Variants in TTK observed in about 807,000 individuals in gnomAD.
TTK encodes dual specificity protein kinase TTK.
A neutral mutation model predicts 117.3 loss-of-function variants in TTK; 59 were observed. The ratio of observed to expected loss-of-function variants is 0.50; its 90% CI spans 0.41 to 0.62. The LOEUF is 0.62. Among genes scored for constraint, TTK ranks in the 20% least tolerant of loss-of-function variants. The probability of loss-of-function intolerance (pLI) is 0.00; values close to 1 mark genes in which losing one functional copy is unlikely to be tolerated. For synonymous variants in TTK, 302 were observed against 325.0 expected (o/e 0.93, Z 0.76); for missense variants, 921 against 989.4 (o/e 0.93, Z 0.93).
At chr6:80,036,827 G>A (rs1767918918) in intron 17 of TTK, among the ~76,000 whole-genome samples, 1 of 152,088 alleles carries the variant, frequency 6.6e-6, no homozygotes, top group South Asian at 2.1e-4. Context: ...TTTTCCTATA[G>A]CTGAAGTAGA....
In TTK at chr6:80,040,286, ACTT is replaced by A; in HGVS notation, c.2392+10_2392+12del. The A allele has an allele frequency of 6.4e-7, 1 of 1,568,784 alleles. No individual in the cohort carries two copies. Among genetic ancestry groups the A allele is most frequent in the Non-Finnish European group, 8.6e-7 (1 of 1,161,360 alleles). ...TCAAATTCAAACTCATCCAGGTACT[ACTT>A]CTTTAAAAATTTGTTTATTACTAGA... On this transcript the variant is annotated splice_region_variant and intron_variant, in intron 20 of 21. Transcript: ENST00000369798.
rs1255700398 is a variant in TTK, at chr6:80,007,933, T to C, written c.264T>C (p.Ile88=). The change falls in exon 3 of 22, where the codon ATT becomes ATC. Residue 88 remains isoleucine, a synonymous_variant. Coordinates refer to ENST00000369798, the MANE Select transcript of TTK (RefSeq NM_003318.5). ...GTGATGCTCTTTTAAATAAATTGAT[T>C]GGTCGTTACAGTCAAGCAATTGAAG... is the stretch of plus-strand genomic sequence containing the variant. The part of the protein sequence containing the change: ...PLSDALLNKL[I]GRYSQAIEAL... 1 of 1,613,644 alleles carries C rather than the reference T, an allele frequency of 6.2e-7. No individual in the cohort carries two copies.
chr6:80,039,893 CTAAT>C, intron 19 of TTK, 21 bp downstream of exon 19: 1 of 1,450,034 alleles, frequency 6.9e-7, no homozygotes, highest in Non-Finnish European at 9.2e-7. Flanking sequence ...TTTCATGTAA[CTAAT>C]TATTTACTTA....
chr6:80,013,346 T>C lies in TTK; in HGVS notation c.964T>C (p.Cys322Arg). 1 of 1,602,022 alleles carries C rather than the reference T, an allele frequency of 6.2e-7. No homozygotes were observed. The highest frequency in any genetic ancestry group is 8.5e-7 in the Non-Finnish European group (1 of 1,176,068). The part of the protein sequence containing the change: ...PGSKPSGNDS[C>R]ELRNLKSVQN... ...ATCTAAACCAAGTGGAAATGATTCC[T>C]GTGAATTAAGAAATTTAAAGGTATT... Residue 322 changes from cysteine to arginine, a missense_variant, in exon 9 of 22, where the codon TGT (cysteine) becomes CGT (arginine). Cys to Arg is a radical substitution (Grantham distance 180). Coordinates refer to ENST00000369798, the MANE Select transcript of TTK (RefSeq NM_003318.5).
At chr6:80,028,526 C>T (rs1461656316) in intron 13 of TTK, among the ~76,000 whole-genome samples, 3 of 151,960 alleles carry the variant, frequency 2.0e-5, no homozygotes, top group Admixed American at 6.6e-5. Context: ...CCATGTTGCT[C>T]AGGCTGGTCT....
In TTK at chr6:80,039,846, G is replaced by T; in HGVS notation, c.2281G>T (p.Glu761Ter). Residue 761 changes from glutamate (E) to a stop codon, truncating the protein, a stop_gained, in exon 19 of 22, where the codon GAG becomes TAG. Coordinates refer to ENST00000369798, the MANE Select transcript of TTK (RefSeq NM_003318.5). LOFTEE classifies it high-confidence loss of function. The part of the protein sequence containing the change: ...NHEIEFPDIP[E>*]KDLQDVLKCC... ...TGAAATTGAATTTCCCGATATTCCAGAGAAAGATCTTCAAGATGTGTTAAA... is the reference window on the plus strand; with the variant it reads ...TGAAATTGAATTTCCCGATATTCCATAGAAAGATCTTCAAGATGTGTTAAA... 1.3e-6 allele frequency: 2 copies of T among 1,577,200 alleles called. No individual in the cohort carries two copies. Among genetic ancestry groups the T allele is most frequent in the Non-Finnish European group, 1.7e-6 (2 of 1,164,518 alleles).
At chr6:80,036,005 G>A (rs773295435) in intron 16 of TTK, among the ~76,000 whole-genome samples, 18 of 152,028 alleles carry the variant, frequency 1.2e-4, no homozygotes, top group Non-Finnish European at 1.2e-4. Flanking sequence ...ATTCACCAGT[G>A]ATCAAGATCA....
At chr6:80,010,397 TTATTATAG>T (rs1767109771) in intron 4 of TTK, among the ~76,000 whole-genome samples, 1 of 151,074 alleles carries the variant, frequency 6.6e-6, no homozygotes. Flanking sequence ...TGAATGATAC[TTATTATAG>T]CATGTTGTAA....
At position 80,008,132 on chromosome 6, in the gene TTK, T is replaced by C. The variant is rs562818781; in HGVS notation, c.362+101T>C. On this transcript the variant is annotated intron_variant, in intron 3 of 21. Transcript: ENST00000369798. ...AACATGGCAGTATTGTGAGAAAATATTAATTTTTTTACCAAATACTTTTGC... is the reference window on the plus strand; with the variant it reads ...AACATGGCAGTATTGTGAGAAAATACTAATTTTTTTACCAAATACTTTTGC... 11 of 1,334,288 alleles carry C rather than the reference T, an allele frequency of 8.2e-6. No homozygotes were observed. In the African/African-American group the frequency reaches 1.5e-4, roughly 18 times the overall value. 82.7% of individuals were successfully genotyped at this position (1,334,288 alleles called of 1,614,324 possible). A position where few individuals can be genotyped will look rare whatever the true frequency, so the allele number is the denominator to read the frequency against.
chr6:80,029,798 C>T (rs764972313), intron 13 of TTK, among the ~76,000 whole-genome samples: 4 of 152,158 alleles, frequency 2.6e-5, no homozygotes, highest in Non-Finnish European at 4.4e-5. Flanking sequence ...AAGGGGGATG[C>T]GGGAAGTCCT....
rs1445498668 is a variant in TTK, at chr6:80,035,016, T to TA, written c.1647dup (p.Tyr550IlefsTer13). 5 of 1,589,180 alleles carry TA rather than the reference T, an allele frequency of 3.1e-6. No individual in the cohort carries two copies. Among genetic ancestry groups the TA allele is most frequent in the Non-Finnish European group, 4.3e-6 (5 of 1,172,634 alleles). On this transcript the variant is annotated frameshift_variant, in exon 15 of 22. Transcript: ENST00000369798. LOFTEE classifies it high-confidence loss of function. ...CAGGTGTTAAATGAAAAGAAACAGA[T>TA]ATATGCTATAAAATATGTGAACTTA... is the stretch of plus-strand genomic sequence containing the variant.
In TTK at chr6:80,040,666, G is replaced by T; in HGVS notation, c.2453G>T (p.Gly818Val). Residue 818 changes from glycine (G) to valine (V), a missense_variant, in exon 21 of 22, where the codon GGT (glycine) becomes GTT (valine). Transcript: ENST00000369798. ...AAATATGTTCTGGGCCAACTTGTTGGTCTGAATTCTCCTAACTCCATTTTG... is the reference window on the plus strand; with the variant it reads ...AAATATGTTCTGGGCCAACTTGTTGTTCTGAATTCTCCTAACTCCATTTTG... ...EMKYVLGQLV[G>V]LNSPNSILKA... The T allele has an allele frequency of 6.2e-7, 1 of 1,611,844 alleles. No homozygotes were observed. The highest frequency in any genetic ancestry group is 8.5e-7 in the Non-Finnish European group (1 of 1,178,522).
rs768248794 is a variant in TTK, at chr6:80,040,607, T to A, written c.2394T>A (p.Val798=). The part of the protein sequence containing the change: ...HPYVQIQTHP[V]NQMAKGTTEE... The stretch of plus-strand genomic sequence containing the variant: ...GTGTATTATTGATTTATTTTATAGT[T>A]AACCAAATGGCCAAGGGAACCACTG... Residue 798 remains valine (V), a splice_region_variant and synonymous_variant, in exon 21 of 22, where the codon GTT becomes GTA. Coordinates refer to ENST00000369798, the MANE Select transcript of TTK (RefSeq NM_003318.5). The A allele has an allele frequency of 6.2e-7, 1 of 1,610,968 alleles. No individual in the cohort carries two copies. The highest frequency in any genetic ancestry group is 1.1e-5 in the South Asian group (1 of 90,762).
At chr6:80,021,581 T>C (rs1767459826) in intron 10 of TTK, among the ~76,000 whole-genome samples, 1 of 152,182 alleles carries the variant, frequency 6.6e-6, no homozygotes, top group Admixed American at 6.5e-5. Flanking sequence ...AAAAGACCAT[T>C]TCAACTTTTT....
At chr6:80,033,645 A>C (rs1432533407) in intron 14 of TTK, among the ~76,000 whole-genome samples, 1 of 152,206 alleles carries the variant, frequency 6.6e-6, no homozygotes, top group Non-Finnish European at 1.5e-5. Context: ...ATGACACATT[A>C]AACAGACATT....
chr6:80,041,394 T>C (rs560896949), intron 21 of TTK, among the ~76,000 whole-genome samples: 1 of 151,916 alleles, frequency 6.6e-6, no homozygotes, highest in African/African-American at 2.4e-5. Context: ...ATATTCACTA[T>C]ATTTGCATTT....
At chr6:80,024,302 A>G (rs981209048) in intron 11 of TTK, among the ~76,000 whole-genome samples, 3 of 152,254 alleles carry the variant, frequency 2.0e-5, no homozygotes, top group African/African-American at 7.2e-5. Context: ...AAATATTTGT[A>G]CATAAATATT....
intron 5 of TTK, 85 bp from the exon 6 acceptor site, chr6:80,011,347 CTT>C (rs1767142969): frequency 1.1e-6 from 1 of 926,364 alleles, no homozygotes; most frequent in Non-Finnish European, 1.6e-6. Flanking sequence ...TATGAATTGA[CTT>C]TTAAAATATT....
chr6:80,033,863 G>T (rs7766746), intron 14 of TTK, among the ~76,000 whole-genome samples: 1 of 151,838 alleles, frequency 6.6e-6, no homozygotes, highest in Non-Finnish European at 1.5e-5. Context: ...GAAATTACTT[G>T]GTTAATATTT....
Sources: allele counts gnomAD v4.1 joint callset (sites outside exome capture counted in the v4.1 genomes callset), GRCh38; gene constraint gnomAD v4.1.1; transcripts MANE v1.5; gene names NCBI Gene and HGNC (gene_info 2026-07-23, HGNC 2026-07-21).